Variants in ANK2 observed in about 807,000 individuals in gnomAD.
ANK2 encodes the protein ankyrin 2.
In ANK2, 83 loss-of-function variants were observed where a neutral mutation model predicts 360.5. The observed-to-expected ratio is 0.23, with a 90% CI of 0.19 to 0.28. ANK2 has a LOEUF of 0.28. Among genes scored for constraint, ANK2 ranks in the 10% least tolerant of loss-of-function variants. ANK2 has a pLI of 1.00. For synonymous variants in ANK2, 1,740 were observed against 1,759.5 expected (o/e 0.99, Z 0.28); for missense variants, 4,201 against 4,795.7 (o/e 0.88, Z 3.66).
At chr4:112,965,042 G>C (rs2036652157) in intron 2 of ANK2, among the ~76,000 whole-genome samples, 1 of 152,082 alleles carries the variant, frequency 6.6e-6, no homozygotes, top group Admixed American at 6.5e-5. Flanking sequence ...GGATCATATG[G>C]TAACTCTAGT....
At chr4:113,151,524 C>T (rs533668205) in intron 1 of ANK2, among the ~76,000 whole-genome samples, 53 of 152,230 alleles carry the variant, frequency 3.5e-4, no homozygotes, top group Admixed American at 2.8e-3. Flanking sequence ...TCCTTATCAC[C>T]AGAATGGCAC....
chr4:112,769,990 C>G, the ANK2 span, among the ~76,000 whole-genome samples: 2 of 152,176 alleles, frequency 1.3e-5, no homozygotes. Context: ...AGTGGGGCTT[C>G]TCAGCCTTCA....
intron 1 of ANK2, among the ~76,000 whole-genome samples, chr4:112,866,434 T>C (rs1470317281): frequency 1.3e-5 from 2 of 152,170 alleles, no homozygotes; most frequent in Admixed American, 1.3e-4. Context: ...GTAATAAAAA[T>C]AACATGAAGT....
chr4:113,316,114 T>G (rs926042830), intron 24 of ANK2, among the ~76,000 whole-genome samples: 1 of 152,122 alleles, frequency 6.6e-6, no homozygotes, highest in East Asian at 1.9e-4. Context: ...ATAAGTAGCC[T>G]CCAATTGCTG....
At chr4:113,300,477 A>G (rs1002784379) in intron 22 of ANK2, among the ~76,000 whole-genome samples, 5 of 152,254 alleles carry the variant, frequency 3.3e-5, no homozygotes, top group African/African-American at 1.2e-4. Flanking sequence ...TGTGGAAACA[A>G]TCTTCCTCTT....
At chr4:113,364,164 C>T (rs897728700) in intron 40 of ANK2, among the ~76,000 whole-genome samples, 4 of 152,162 alleles carry the variant, frequency 2.6e-5, no homozygotes, top group Admixed American at 1.3e-4. Flanking sequence ...ACCGCCATCA[C>T]GCATTGGTTC....
intron 4 of ANK2, among the ~76,000 whole-genome samples, chr4:113,205,059 C>T (rs945230443): frequency 1.3e-5 from 2 of 151,880 alleles, no homozygotes; most frequent in African/African-American, 4.8e-5. Flanking sequence ...CACGGTGAAA[C>T]CCCGTCTCTA....
At chr4:113,283,373 A>T (rs546721144) in intron 18 of ANK2, among the ~76,000 whole-genome samples, 68 of 152,294 alleles carry the variant, frequency 4.5e-4, no homozygotes, top group African/African-American at 1.6e-3. Flanking sequence ...TATGGATAGG[A>T]GAGAGGAAAC....
chr4:113,148,999 G>A lies in ANK2; in HGVS notation c.85-25417G>A, dbSNP rs563970083. Reference sequence around the variant, plus strand: ...CTGGAGAGCTCTACACCAGGAAATGGTAGAACTTCATTTATGCTTTGAGAA... The same window carrying A: ...CTGGAGAGCTCTACACCAGGAAATGATAGAACTTCATTTATGCTTTGAGAA... On this transcript the variant is annotated intron_variant, in intron 1 of 45. Transcript: ENST00000357077. 3 of 152,362 alleles carry A rather than the reference G, an allele frequency of 2.0e-5. No homozygotes were observed. The South Asian group carries it at 6.2e-4, about 32-fold the overall frequency. 9.4% of individuals were successfully genotyped at this position (152,362 alleles called of 1,614,324 possible). A position where few individuals can be genotyped will look rare whatever the true frequency, so the allele number is the denominator to read the frequency against.
intron 2 of ANK2, among the ~76,000 whole-genome samples, chr4:113,008,252 C>G (rs1401632229): frequency 6.6e-6 from 1 of 151,980 alleles, no homozygotes. Flanking sequence ...ACTTTATTAG[C>G]TTTTAAAGGC....
intron 1 of ANK2, among the ~76,000 whole-genome samples, chr4:113,088,311 C>T (rs1007725955): frequency 6.6e-6 from 1 of 152,122 alleles, no homozygotes; most frequent in African/African-American, 2.4e-5. Flanking sequence ...TTGTTAGTGA[C>T]TGGCAATAGT....
intron 2 of ANK2, among the ~76,000 whole-genome samples, chr4:112,962,886 T>C (rs967462092): frequency 6.6e-6 from 1 of 152,166 alleles, no homozygotes; most frequent in Non-Finnish European, 1.5e-5. Flanking sequence ...AGGGAAATTA[T>C]TTTCTCTGGG....
At chr4:113,086,522 TAAAC>T (rs1331128619) in intron 1 of ANK2, among the ~76,000 whole-genome samples, 3 of 152,188 alleles carry the variant, frequency 2.0e-5, no homozygotes, top group African/African-American at 4.8e-5. Context: ...TGCTGTGAAT[TAAAC>T]AAAGTCCATG....
At chr4:113,161,122 T>C (rs1268342743) in intron 1 of ANK2, among the ~76,000 whole-genome samples, 1 of 152,224 alleles carries the variant, frequency 6.6e-6, no homozygotes, top group Non-Finnish European at 1.5e-5. Flanking sequence ...TTGCTTTTGT[T>C]TTTAGTTGTG....
rs184463692 is a variant in ANK2 at position 112,922,903 on chromosome 4, T to A, written c.21+18389T>A. Reference sequence around the variant, plus strand: ...TTCTTATTTTAGGTTATCTCCTCTGTTTCTATTATTATAAAAGATAAGTTG... The same window carrying A: ...TTCTTATTTTAGGTTATCTCCTCTGATTCTATTATTATAAAAGATAAGTTG... On this transcript the variant is annotated intron_variant, in intron 2 of 30. Transcript: ENST00000503271. Among the ~76,000 whole-genome samples, 40 of 152,336 alleles carry A rather than the reference T, an allele frequency of 2.6e-4. 1 individual carries two copies. In the East Asian group the frequency reaches 7.5e-3, roughly 29 times the overall value.
intron 4 of ANK2, among the ~76,000 whole-genome samples, chr4:113,211,688 T>C (rs942029003): frequency 3.9e-5 from 6 of 152,202 alleles, no homozygotes; most frequent in African/African-American, 1.4e-4. Context: ...TTAGAGACAT[T>C]GTGTCCATAA....
intron 2 of ANK2, among the ~76,000 whole-genome samples, chr4:112,933,164 A>G (rs925018543): frequency 1.3e-5 from 2 of 152,216 alleles, no homozygotes; most frequent in African/African-American, 2.4e-5. Context: ...GATGCACACT[A>G]AAGGATTTGT....
intron 1 of ANK2, among the ~76,000 whole-genome samples, chr4:112,896,290 A>G (rs1387100608): frequency 1.3e-5 from 2 of 152,206 alleles, no homozygotes; most frequent in Non-Finnish European, 2.9e-5. Flanking sequence ...GATATAGACT[A>G]TGGGCTATAG....
In ANK2 at chr4:113,174,608, A is replaced by C. The variant is rs1225677658; in HGVS notation, c.186+91A>C. 9.6e-6 allele frequency: 10 copies of C among 1,041,746 alleles called. No homozygotes were observed. In the East Asian group the frequency reaches 2.8e-4, roughly 29 times the overall value. The allele number at this position is 1,041,746 out of a possible 1,614,324, so 64.5% of individuals were successfully genotyped here. ...AAGATTATTTTTGTCTTTATTAAAA[A>C]TACTAAAATATCAGTGACTCAGACT... On this transcript the variant is annotated intron_variant, in intron 2 of 45. Transcript: ENST00000357077.
Sources: gnomAD v4.1 joint callset for allele counts (sites outside exome capture counted in the v4.1 genomes callset) on GRCh38, gnomAD v4.1.1 for gene constraint, MANE v1.5 for transcripts, NCBI Gene and HGNC (gene_info 2026-07-23, HGNC 2026-07-21) for gene names.